Variants in ANK3 observed in about 807,000 individuals in gnomAD.
ANK3 encodes ankyrin 3, also known as ankyrin-3.
A neutral mutation model predicts 370.9 loss-of-function variants in ANK3; 57 were observed. That is an observed-to-expected ratio of 0.15 (90% CI 0.12 to 0.19). The LOEUF is 0.19. Among genes scored for constraint, ANK3 ranks in the 10% least tolerant of loss-of-function variants. The pLI is 1.00. For synonymous variants in ANK3, 1,929 were observed against 1,946.3 expected (o/e 0.99, Z 0.23); for missense variants, 4,439 against 5,302.1 (o/e 0.84, Z 5.06).
intron 2 of ANK3, among the ~76,000 whole-genome samples, chr10:60,574,264 G>A (rs2077654713): frequency 6.6e-6 from 1 of 152,176 alleles, no homozygotes; most frequent in South Asian, 2.1e-4. Flanking sequence ...CCAGGGCTGA[G>A]CAGGCCAAGC....
chr10:60,586,669 G>A (rs2077836279), intron 2 of ANK3, among the ~76,000 whole-genome samples: 1 of 152,106 alleles, frequency 6.6e-6, no homozygotes, highest in Admixed American at 6.5e-5. Flanking sequence ...TCTATACAAT[G>A]TACAATATCT....
At chr10:60,197,502 A>G (rs534551156) in intron 14 of ANK3, among the ~76,000 whole-genome samples, 4 of 152,334 alleles carry the variant, frequency 2.6e-5, no homozygotes, top group East Asian at 3.9e-4. Context: ...TCAAGACCCT[A>G]TCACCCATTA....
chr10:60,240,744 A>G (rs1440626600), intron 7 of ANK3, among the ~76,000 whole-genome samples: 4 of 151,948 alleles, frequency 2.6e-5, no homozygotes, highest in African/African-American at 9.7e-5. Flanking sequence ...GGTGCTCACC[A>G]CCATGCCCAA....
intron 2 of ANK3, among the ~76,000 whole-genome samples, chr10:60,606,958 C>A (rs2078136961): frequency 1.3e-5 from 2 of 152,142 alleles, no homozygotes; most frequent in African/African-American, 2.4e-5. Flanking sequence ...ACACACCCAA[C>A]AAGCTGTTGC....
intron 7 of ANK3, among the ~76,000 whole-genome samples, chr10:60,251,927 T>C (rs992832479): frequency 3.9e-5 from 6 of 152,230 alleles, no homozygotes; most frequent in African/African-American, 1.4e-4. Context: ...TTCAGTCTCA[T>C]TTCACACCTG....
intron 31 of ANK3, 62 bp from the exon 32 acceptor site, chr10:60,084,892 G>T (rs960592261): frequency 7.7e-5 from 95 of 1,238,314 alleles, no homozygotes; most frequent in Non-Finnish European, 8.3e-5. Flanking sequence ...ATCTTAAAAA[G>T]ACTCACAATT....
intron 2 of ANK3, among the ~76,000 whole-genome samples, chr10:60,567,232 G>A (rs1357273050): frequency 1.3e-5 from 2 of 152,170 alleles, no homozygotes; most frequent in East Asian, 1.9e-4. Flanking sequence ...TCAATGCCTA[G>A]CTTCAAAGGA....
chr10:60,693,460 C>A (rs1297708593), intron 1 of ANK3, among the ~76,000 whole-genome samples: 2 of 152,208 alleles, frequency 1.3e-5, no homozygotes, highest in Non-Finnish European at 2.9e-5. Context: ...AACAGACAAA[C>A]AAAAAGACAG....
intron 1 of ANK3, among the ~76,000 whole-genome samples, chr10:60,337,564 G>T (rs2053299363): frequency 6.6e-6 from 1 of 151,960 alleles, no homozygotes; most frequent in African/African-American, 2.4e-5. Flanking sequence ...ACAATCTCTT[G>T]AGCTTTCCCC....
At chr10:60,379,987 T>TA (rs1007667220) in intron 1 of ANK3, among the ~76,000 whole-genome samples, 16 of 151,354 alleles carry the variant, frequency 1.1e-4, no homozygotes, top group South Asian at 2.1e-4. Context: ...ATTTGTCAAT[T>TA]AAAAAAAATC....
At chr10:60,687,085 G>A (rs186983875) in intron 1 of ANK3, among the ~76,000 whole-genome samples, 5 of 152,274 alleles carry the variant, frequency 3.3e-5, no homozygotes, top group East Asian at 1.9e-4. Flanking sequence ...CAGCCTGGGC[G>A]TGTAGTAAAC....
At chr10:60,041,173 T>C (rs1386228194) in intron 43 of ANK3, among the ~76,000 whole-genome samples, 1 of 152,190 alleles carries the variant, frequency 6.6e-6, no homozygotes, top group Non-Finnish European at 1.5e-5. Context: ...CCAGTGCCCC[T>C]TCCAATTCAT....
At chr10:60,269,681 T>C (rs71495632) in intron 5 of ANK3, among the ~76,000 whole-genome samples, 15,644 of 142,832 alleles carry the variant, frequency 0.11, 1,092 homozygotes, top group Non-Finnish European at 0.16. Flanking sequence ...ATAGTTTTAT[T>C]TATAACTATG....
intron 2 of ANK3, among the ~76,000 whole-genome samples, chr10:60,562,487 C>G (rs1419590890): frequency 6.6e-6 from 1 of 152,112 alleles, no homozygotes; most frequent in Non-Finnish European, 1.5e-5. Flanking sequence ...GATCTTGGCT[C>G]ACTGCAACCT....
chr10:60,682,219 A>C (rs80166186), intron 1 of ANK3, among the ~76,000 whole-genome samples: 1,787 of 152,248 alleles, frequency 0.012, 36 homozygotes, highest in African/African-American at 0.04. Context: ...AGCTTAAATA[A>C]CTTGTCCAAG....
chr10:60,273,955 G>A (rs968917623), intron 4 of ANK3, among the ~76,000 whole-genome samples: 5 of 152,128 alleles, frequency 3.3e-5, no homozygotes, highest in African/African-American at 9.7e-5. Flanking sequence ...ACCCAGTCTT[G>A]GGTATGTCTT....
At chr10:60,304,987 T>C (rs1422125932) in intron 1 of ANK3, among the ~76,000 whole-genome samples, 1 of 152,152 alleles carries the variant, frequency 6.6e-6, no homozygotes, top group East Asian at 1.9e-4. Flanking sequence ...GCCAGTCCTC[T>C]CTGGAAAATA....
chr10:60,399,676 C>T (rs914464350), intron 2 of ANK3, among the ~76,000 whole-genome samples: 5 of 152,150 alleles, frequency 3.3e-5, no homozygotes, highest in African/African-American at 1.2e-4. Flanking sequence ...AGTGCTTCCG[C>T]CGGCACAAGA....
chr10:60,272,484 GTTT>G (rs11368213), intron 4 of ANK3, among the ~76,000 whole-genome samples: 5 of 147,152 alleles, frequency 3.4e-5, no homozygotes, highest in Admixed American at 3.3e-4. Flanking sequence ...GTTCTTGTTT[GTTT>G]TTTTTTTGTT....
Sources: gnomAD v4.1 joint callset for allele counts (sites outside exome capture counted in the v4.1 genomes callset) on GRCh38, gnomAD v4.1.1 for gene constraint, MANE v1.5 for transcripts, NCBI Gene and HGNC (gene_info 2026-07-23, HGNC 2026-07-21) for gene names.